APOLD1: variants seen among roughly 807,000 people sequenced by gnomAD.
APOLD1 encodes apolipoprotein L domain-containing protein 1.
In APOLD1, 22 loss-of-function variants were observed where a neutral mutation model predicts 15.3. The observed-to-expected ratio is 1.44, with a 90% CI of 1.03 to 2.05. The LOEUF (loss-of-function observed/expected upper bound fraction) is 2.05, where lower values mean the gene tolerates loss of function less well. Among genes scored for constraint, APOLD1 ranks in the 30% most tolerant of loss-of-function variants. The pLI, the probability that APOLD1 is intolerant of heterozygous loss-of-function variation, is 0.00. For synonymous variants in APOLD1, 190 were observed against 167.4 expected (o/e 1.13, Z -1.04); for missense variants, 394 against 353.5 (o/e 1.11, Z -0.92).
chr12:12,758,092 C>CT lies in APOLD1; in HGVS notation c.97-28810dup, dbSNP rs201265384. 6.4e-3 allele frequency among the ~76,000 whole-genome samples: 713 copies of CT among 111,298 alleles called. 9 individuals are homozygous for CT. The highest frequency in any genetic ancestry group is 0.017 in the African/African-American group (415 of 23,980). The allele number at this position is 111,298 out of a possible 152,430, so 73.0% of individuals were successfully genotyped here. ...AGGCACCCACCACCGTGATGCCTGG[C>CT]TTTTTTTCTTTTTTTTTTTAATTTT... On this transcript the variant is annotated intron_variant, in intron 1 of 1. Transcript: ENST00000326765.
chr12:12,767,375 A>T (rs2136389755), intron 1 of APOLD1, among the ~76,000 whole-genome samples: 1 of 152,134 alleles, frequency 6.6e-6, no homozygotes, highest in South Asian at 2.1e-4. Flanking sequence ...ACACATTAAA[A>T]AATTGGCCAG....
chr12:12,777,917 T>G lies in APOLD1; in HGVS notation c.97-8992T>G, dbSNP rs1448763162. Among the ~76,000 whole-genome samples the G allele has an allele frequency of 1.5e-3, 200 of 137,386 alleles. 2 individuals are homozygous for G. Among genetic ancestry groups the G allele is most frequent in the South Asian group, 2.7e-3 (11 of 4,134 alleles). 90.1% of individuals were successfully genotyped at this position (137,386 alleles called of 152,430 possible). A position where few individuals can be genotyped will look rare whatever the true frequency, so the allele number is the denominator to read the frequency against. On this transcript the variant is annotated intron_variant, in intron 1 of 1. Coordinates refer to the APOLD1 transcript ENST00000326765. The stretch of plus-strand genomic sequence containing the variant: ...TTTTTTTTTTTTTTTTTTTTTTTTT[T>G]TTTTTTTTGTTGTTGTTGTTTTTTG...
chr12:12,764,561 G>C (rs986625245), intron 1 of APOLD1: 61 of 287,220 alleles, frequency 2.1e-4, no homozygotes, highest in Non-Finnish European at 4.0e-4. Context: ...AACAGATGGA[G>C]AAGGATTTAT....
intron 1 of APOLD1, among the ~76,000 whole-genome samples, chr12:12,744,848 GTGTC>G (rs1018857394): frequency 5.9e-5 from 9 of 152,248 alleles, no homozygotes; most frequent in Admixed American, 1.3e-4. Context: ...TTTATGTAGA[GTGTC>G]TGTCTGCCCG....
At chr12:12,754,617 G>A (rs1425826361) in intron 1 of APOLD1, among the ~76,000 whole-genome samples, 1 of 151,974 alleles carries the variant, frequency 6.6e-6, no homozygotes, top group African/African-American at 2.4e-5. Flanking sequence ...TTTTAGTAGA[G>A]ACGGGGTTTT....
chr12:12,746,880 G>T (rs1946770853), intron 1 of APOLD1, among the ~76,000 whole-genome samples: 1 of 152,106 alleles, frequency 6.6e-6, no homozygotes, highest in African/African-American at 2.4e-5. Flanking sequence ...GCTTATAAGT[G>T]AGAATATGTG....
In APOLD1 at chr12:12,787,427, C is replaced by T. The variant is rs752046387; in HGVS notation, c.522C>T (p.Gly174=). The T allele has an allele frequency of 1.9e-6, 3 of 1,614,086 alleles. No individual in the cohort carries two copies. Among genetic ancestry groups the T allele is most frequent in the South Asian group, 1.1e-5 (1 of 91,092 alleles). ...YNSVYFIVFF[G]SRGFLIPRRA... The stretch of plus-strand genomic sequence containing the variant: ...CTGTCTACTTCATCGTCTTCTTTGG[C>T]TCACGTGGCTTCCTCATCCCCAGGC... Residue 174 remains glycine, a synonymous_variant, in exon 2 of 2, where the codon GGC becomes GGT. Coordinates refer to ENST00000356591, the MANE Select transcript of APOLD1 (RefSeq NM_030817.3). The surrounding 1 kb of genome is among the most constrained non-coding windows in gnomAD (Gnocchi z 4.9).
chr12:12,742,175 T>C (rs1232464905), intron 1 of APOLD1, among the ~76,000 whole-genome samples: 1 of 152,110 alleles, frequency 6.6e-6, no homozygotes, highest in African/African-American at 2.4e-5. Flanking sequence ...CCTTAGTCTC[T>C]CCTGAGGCAA....
intron 1 of APOLD1, among the ~76,000 whole-genome samples, chr12:12,729,918 A>C (rs1366208214): frequency 2.0e-5 from 3 of 151,922 alleles, no homozygotes; most frequent in Non-Finnish European, 4.4e-5. Context: ...CCTAGGCTGG[A>C]GTGCAATGAC....
intron 1 of APOLD1, among the ~76,000 whole-genome samples, chr12:12,786,134 C>T (rs1947122083): frequency 6.6e-6 from 1 of 152,150 alleles, no homozygotes; most frequent in African/African-American, 2.4e-5. Context: ...ATTTTGGCCA[C>T]TTTATTTTAT....
At chr12:12,780,452 G>A (rs1947071045) in intron 1 of APOLD1, among the ~76,000 whole-genome samples, 1 of 151,896 alleles carries the variant, frequency 6.6e-6, no homozygotes, top group Non-Finnish European at 1.5e-5. Flanking sequence ...ACAGGCATAA[G>A]CCACTGTGCC....
rs182893714 is a variant in APOLD1, at chr12:12,728,706, A to T, written c.96+2610A>T. On this transcript the variant is annotated intron_variant, in intron 1 of 1. Coordinates refer to the APOLD1 transcript ENST00000326765. ...AAAAAAAAAAAGAGAGAGAAAGAAA[A>T]GAAAGAAAGAGAAAGATTGGAAACT... Among the ~76,000 whole-genome samples, 404 of 151,518 alleles carry T rather than the reference A, an allele frequency of 2.7e-3. 3 individuals carry two copies. The highest frequency in any genetic ancestry group is 0.014 in the South Asian group (66 of 4,796).
chr12:12,772,925 A>C (rs1946999993), intron 1 of APOLD1, among the ~76,000 whole-genome samples: 2 of 152,158 alleles, frequency 1.3e-5, no homozygotes, highest in Admixed American at 1.3e-4. Flanking sequence ...TTTAAACTAA[A>C]TGAAAATGAA....
exon 1 of APOLD1, chr12:12,725,949 T>G (rs1359655094): frequency 1.4e-6 from 2 of 1,387,994 alleles, no homozygotes; most frequent in Admixed American, 5.9e-5. Context: ...CGCGGGGCGG[T>G]CAGCGATCTG....
At chr12:12,762,784 G>T (rs998909049) in intron 1 of APOLD1, among the ~76,000 whole-genome samples, 2 of 152,188 alleles carry the variant, frequency 1.3e-5, no homozygotes, top group South Asian at 2.1e-4. Context: ...TGGCCAGAGA[G>T]AAAGGACAAA....
Position 12,787,613 on chromosome 12 carries a change from C to T in APOLD1, c.708C>T (p.Leu236=). The change falls in exon 2 of 2, where the codon CTC becomes CTT. Residue 236 remains leucine (L), a synonymous_variant. Coordinates refer to ENST00000356591, the MANE Select transcript of APOLD1 (RefSeq NM_030817.3). This position sits in a 1 kb window ranked among gnomAD's most constrained non-coding sequence, Gnocchi z 4.9. ...LCTKSSRGHD[L]KISADQRAGL... is the part of the protein sequence containing the mutation. ...CCAAGTCCAGTCGTGGCCACGACCT[C>T]AAGATCTCTGCTGACCAGCGTGCAG... The T allele has an allele frequency of 1.2e-6, 2 of 1,609,328 alleles. No homozygotes were observed. The highest frequency in any genetic ancestry group is 1.7e-6 in the Non-Finnish European group (2 of 1,179,876).
At position 12,728,074 on chromosome 12, in the gene APOLD1, C is replaced by T. The variant is rs529962090; in HGVS notation, c.96+1978C>T. Reference sequence around the variant, plus strand: ...CCTCAAGCTCCTGGGCTCAGGAGATCCTCTACTTCAGCCTCCCATGTAGCT... The same window carrying T: ...CCTCAAGCTCCTGGGCTCAGGAGATTCTCTACTTCAGCCTCCCATGTAGCT... On this transcript the variant is annotated intron_variant, in intron 1 of 1. Transcript: ENST00000326765. 1.1e-4 allele frequency among the ~76,000 whole-genome samples: 16 copies of T among 152,272 alleles called. No individual in the cohort carries two copies. In the South Asian group the frequency reaches 2.7e-3, roughly 26 times the overall value.
intron 1 of APOLD1, among the ~76,000 whole-genome samples, chr12:12,767,592 C>T (rs1299029979): frequency 1.3e-5 from 2 of 151,736 alleles, no homozygotes; most frequent in African/African-American, 2.4e-5. Context: ...ACCCGGGAGG[C>T]GGAGGTTGCA....
intron 1 of APOLD1, among the ~76,000 whole-genome samples, chr12:12,763,053 G>A (rs1946913682): frequency 1.3e-5 from 2 of 152,072 alleles, no homozygotes; most frequent in Non-Finnish European, 2.9e-5. Context: ...GATTGCTTGA[G>A]CCTGAGAAGC....
Sources: gnomAD v4.1 joint callset for allele counts (sites outside exome capture counted in the v4.1 genomes callset) on GRCh38, gnomAD v4.1.1 for gene constraint, Gnocchi (gnomAD v3.1) non-coding constraint, MANE v1.5 for transcripts, NCBI Gene and HGNC (gene_info 2026-07-23, HGNC 2026-07-21) for gene names.